SHTN1: variants seen among roughly 807,000 people sequenced by gnomAD.
The protein encoded by SHTN1 is shootin 1.
Under a neutral mutation model 83.1 loss-of-function variants are expected in SHTN1, and 42 were observed. That is an observed-to-expected ratio of 0.51 (90% CI 0.39 to 0.65). The LOEUF (loss-of-function observed/expected upper bound fraction) is 0.65, where lower values mean the gene tolerates loss of function less well. Among genes scored for constraint, SHTN1 ranks in the 30% least tolerant of loss-of-function variants. The pLI, the probability that SHTN1 is intolerant of heterozygous loss-of-function variation, is 0.00. For missense variants in SHTN1, 622 were observed against 737.8 expected, an observed-to-expected ratio of 0.84 and a Z score of 1.82; for synonymous variants, 224 against 247.7, an observed-to-expected ratio of 0.90 and a Z score of 0.90.
chr10:117,015,757 G>C (rs572295693), intron 2 of SHTN1, among the ~76,000 whole-genome samples: 1 of 152,196 alleles, frequency 6.6e-6, no homozygotes, highest in Non-Finnish European at 1.5e-5. Context: ...AGGAAAAAAT[G>C]TTCCTGTTTG....
At chr10:116,910,957 T>TGGA (rs1848167271) in intron 14 of SHTN1, among the ~76,000 whole-genome samples, 1 of 152,204 alleles carries the variant, frequency 6.6e-6, no homozygotes, top group Non-Finnish European at 1.5e-5. Context: ...AATAATCTTG[T>TGGA]TTACCACAAT....
intron 1 of SHTN1, among the ~76,000 whole-genome samples, chr10:117,108,799 C>T (rs1476489055): frequency 6.6e-6 from 1 of 152,160 alleles, no homozygotes; most frequent in Non-Finnish European, 1.5e-5. Flanking sequence ...TAAGTTGACA[C>T]TGATGGAGTG....
At chr10:117,003,826 C>A (rs999215887) in intron 1 of SHTN1, among the ~76,000 whole-genome samples, 1 of 152,180 alleles carries the variant, frequency 6.6e-6, no homozygotes, top group East Asian at 1.9e-4. Flanking sequence ...CAGAAAAGTA[C>A]ATGTTCCTAC....
At chr10:117,013,331 G>A (rs1018859270) in intron 2 of SHTN1, among the ~76,000 whole-genome samples, 3 of 151,882 alleles carry the variant, frequency 2.0e-5, no homozygotes, top group Non-Finnish European at 4.4e-5. Flanking sequence ...CCGCCACCAC[G>A]CCCACCTAAT....
At chr10:117,056,360 A>G (rs551121256) in intron 1 of SHTN1, among the ~76,000 whole-genome samples, 1 of 152,360 alleles carries the variant, frequency 6.6e-6, no homozygotes, top group South Asian at 2.1e-4. Context: ...AGAATTATAC[A>G]GCACAACCAA....
intron 2 of SHTN1, among the ~76,000 whole-genome samples, chr10:117,034,019 C>T (rs964648017): frequency 2.2e-4 from 34 of 151,354 alleles, no homozygotes; most frequent in African/African-American, 8.3e-4. Context: ...ATAGAAGGAA[C>T]ATACCTCAAC....
intron 2 of SHTN1, among the ~76,000 whole-genome samples, chr10:116,977,197 A>G (rs1331110001): frequency 2.6e-5 from 4 of 152,254 alleles, no homozygotes; most frequent in Non-Finnish European, 5.9e-5. Context: ...GTAAGCAAGG[A>G]TTAAACAAGA....
chr10:117,006,761 C>T (rs1852020890), upstream of SHTN1, among the ~76,000 whole-genome samples: 1 of 152,030 alleles, frequency 6.6e-6, no homozygotes, highest in Non-Finnish European at 1.5e-5. Context: ...CAGCACAGTG[C>T]TGCTCATTCC....
At chr10:116,968,601 TC>T (rs1850485296) in intron 3 of SHTN1, 50 bp downstream of exon 3, 1 of 1,318,044 alleles carries the variant, frequency 7.6e-7, no homozygotes, top group South Asian at 1.2e-5. Context: ...ACTCACATAA[TC>T]CCCAATAGGC....
chr10:116,999,107 G>A (rs747710868), intron 1 of SHTN1, among the ~76,000 whole-genome samples: 10 of 152,192 alleles, frequency 6.6e-5, no homozygotes, highest in Middle Eastern at 6.8e-3. Context: ...GGGATTATAC[G>A]CGTGAGCCAA....
intron 13 of SHTN1, among the ~76,000 whole-genome samples, chr10:116,914,371 C>G (rs1848305757): frequency 6.6e-6 from 1 of 151,920 alleles, no homozygotes. Flanking sequence ...ACTTGGGAGG[C>G]TGAGGCAGGA....
intron 1 of SHTN1, among the ~76,000 whole-genome samples, chr10:117,108,447 T>A (rs1344714991): frequency 6.6e-6 from 1 of 151,018 alleles, no homozygotes; most frequent in Non-Finnish European, 1.5e-5. Flanking sequence ...CTCAGCAAAC[T>A]ATTGCAAGGA....
chr10:116,923,560 C>CT (rs113330291), intron 11 of SHTN1, among the ~76,000 whole-genome samples: 8,522 of 143,762 alleles, frequency 0.059, 762 homozygotes, highest in African/African-American at 0.19. Flanking sequence ...CCTTTCTTTC[C>CT]TTTTTTTTTT....
chr10:117,039,845 T>A (rs1427939543), intron 2 of SHTN1, among the ~76,000 whole-genome samples: 4 of 92,460 alleles, frequency 4.3e-5, no homozygotes, highest in Admixed American at 1.2e-4. Flanking sequence ...AGAGTGAGAC[T>A]CCATCAAAAA....
At position 116,945,599 on chromosome 10, in the gene SHTN1, T is replaced by A. The variant is rs575577968; in HGVS notation, c.617-581A>T. 3.3e-5 allele frequency among the ~76,000 whole-genome samples: 5 copies of A among 152,178 alleles called. No homozygotes were observed. In the South Asian group the frequency reaches 1.0e-3, roughly 32 times the overall value. ...GAAAGATGCTCATCTTCATTAGGAATCAAGGAAATGCAGAGTAAAAACACT... is the reference window on the plus strand; with the variant it reads ...GAAAGATGCTCATCTTCATTAGGAAACAAGGAAATGCAGAGTAAAAACACT... On this transcript the variant is annotated intron_variant, in intron 7 of 16. Coordinates refer to ENST00000355371, the MANE Select transcript of SHTN1 (RefSeq NM_001127211.3).
intron 8 of SHTN1, among the ~76,000 whole-genome samples, chr10:116,944,619 C>T (rs182714746): frequency 2.3e-3 from 346 of 152,282 alleles, no homozygotes; most frequent in African/African-American, 8.1e-3. Flanking sequence ...GTTTTTACGG[C>T]TGGGCACGGT....
At chr10:116,924,472 G>C (rs1244879616) in intron 11 of SHTN1, among the ~76,000 whole-genome samples, 1 of 152,172 alleles carries the variant, frequency 6.6e-6, no homozygotes, top group African/African-American at 2.4e-5. Context: ...GATGGAAAGT[G>C]TTAGCTTAAA....
chr10:116,970,248 C>T (rs1048698113), intron 2 of SHTN1, among the ~76,000 whole-genome samples: 2 of 152,116 alleles, frequency 1.3e-5, no homozygotes, highest in South Asian at 2.1e-4. Context: ...ACATACTTCC[C>T]TATGACTCAG....
chr10:116,974,137 T>C, intron 2 of SHTN1: 1 of 1,053,960 alleles, frequency 9.5e-7, no homozygotes, highest in Non-Finnish European at 1.2e-6. Flanking sequence ...AAAGCTGTCT[T>C]GCAGCATTCT....
Sources: allele counts gnomAD v4.1 joint callset (sites outside exome capture counted in the v4.1 genomes callset), GRCh38; gene constraint gnomAD v4.1.1; transcripts MANE v1.5; gene names NCBI Gene and HGNC (gene_info 2026-07-23, HGNC 2026-07-21).